STEAP3: variants seen among roughly 807,000 people sequenced by gnomAD.
STEAP3 encodes STEAP3 metalloreductase, also known as metalloreductase STEAP3.
A neutral mutation model predicts 34.9 loss-of-function variants in STEAP3; 35 were observed. That is an observed-to-expected ratio of 1.00 (90% CI 0.76 to 1.33). The LOEUF (loss-of-function observed/expected upper bound fraction) is 1.33, where lower values mean the gene tolerates loss of function less well. STEAP3 is among the 40% of genes most tolerant of loss of function. STEAP3 has a pLI of 0.00. For synonymous variants in STEAP3, 281 were observed against 301.6 expected (o/e 0.93, Z 0.71); for missense variants, 652 against 667.6 (o/e 0.98, Z 0.26).
chr2:119,258,210 C>T (rs939959539), intron 5 of STEAP3, among the ~76,000 whole-genome samples: 3 of 152,026 alleles, frequency 2.0e-5, no homozygotes, highest in Admixed American at 6.6e-5. Context: ...TTTTAACATG[C>T]GAATGCATTA....
In STEAP3 at chr2:119,252,509, C is replaced by T. The variant is rs577798222; in HGVS notation, c.1051-2175C>T. Among the ~76,000 whole-genome samples, 3 of 152,342 alleles carry T rather than the reference C, an allele frequency of 2.0e-5. No homozygotes were observed. The South Asian group carries it at 6.2e-4, about 32-fold the overall frequency. On this transcript the variant is annotated intron_variant, in intron 4 of 5. Coordinates refer to ENST00000393110, the MANE Select transcript of STEAP3 (RefSeq NM_182915.3). The stretch of plus-strand genomic sequence containing the variant: ...CACTGGTCCTTCAGCGTCTGACCTG[C>T]AACCTAGAGGGAAATCCCACACCTG...
intron 4 of STEAP3, among the ~76,000 whole-genome samples, chr2:119,251,436 G>A (rs1352936761): frequency 6.6e-6 from 1 of 152,136 alleles, no homozygotes; most frequent in African/African-American, 2.4e-5. Flanking sequence ...TTTGTACAGG[G>A]CATTTGGATT....
chr2:119,261,171 G>C (rs1445847733), intron 5 of STEAP3, among the ~76,000 whole-genome samples: 1 of 151,952 alleles, frequency 6.6e-6, no homozygotes, highest in East Asian at 1.9e-4. Flanking sequence ...ACACACACCA[G>C]GGAGGAGCAA....
At chr2:119,240,996 G>A (rs1357065218) in intron 2 of STEAP3, among the ~76,000 whole-genome samples, 5 of 152,010 alleles carry the variant, frequency 3.3e-5, no homozygotes, top group Admixed American at 6.6e-5. Context: ...AGAATTGAAC[G>A]TGGCCACTGT....
intron 2 of STEAP3, among the ~76,000 whole-genome samples, chr2:119,231,985 C>T (rs993342119): frequency 1.3e-5 from 2 of 152,140 alleles, no homozygotes; most frequent in African/African-American, 4.8e-5. Context: ...GGTGGGGCTT[C>T]CTGGACCCCA....
chr2:119,255,647 CAG>C (rs749306734), intron 5 of STEAP3, among the ~76,000 whole-genome samples: 14 of 151,740 alleles, frequency 9.2e-5, no homozygotes, highest in Non-Finnish European at 1.9e-4. Flanking sequence ...CAGCTACTAA[CAG>C]AGGCTGAGGT....
chr2:119,260,793 C>T (rs148006284), intron 5 of STEAP3, among the ~76,000 whole-genome samples: 2 of 152,188 alleles, frequency 1.3e-5, no homozygotes, highest in Admixed American at 6.5e-5. Context: ...GAGGTGACCA[C>T]ATTAAAATGA....
Position 119,234,495 on chromosome 2 carries a change from C to T in STEAP3, c.22+3461C>T, listed in dbSNP as rs376786161. On this transcript the variant is annotated intron_variant, in intron 2 of 5. Coordinates refer to ENST00000393110, the MANE Select transcript of STEAP3 (RefSeq NM_182915.3). ...AAAGCCCTCCTCCCTGGCTCCATAGCGCCCGGTCATCCCCTCATTCCAGCA... is the reference window on the plus strand; with the variant it reads ...AAAGCCCTCCTCCCTGGCTCCATAGTGCCCGGTCATCCCCTCATTCCAGCA... Among the ~76,000 whole-genome samples, 26 of 152,338 alleles carry T rather than the reference C, an allele frequency of 1.7e-4. No individual in the cohort carries two copies. The East Asian group carries it at 3.5e-3, about 20-fold the overall frequency.
Position 119,265,374 on chromosome 2 carries a change from G to T in STEAP3, c.*2036G>T, listed in dbSNP as rs1236803703. The T allele has an allele frequency of 6.6e-6, 1 of 152,210 alleles. No individual in the cohort carries two copies. 9.4% of individuals were successfully genotyped at this position (152,210 alleles called of 1,614,324 possible). On this transcript the variant is annotated 3_prime_UTR_variant, in exon 6 of 6. Transcript: ENST00000393110. ...CTGGACAATCACACGAAAGGCAGGC[G>T]GGCTGTGTACTGGGCCCTGACTGTG...
intron 4 of STEAP3, among the ~76,000 whole-genome samples, chr2:119,251,392 T>A (rs1677622174): frequency 6.6e-6 from 1 of 152,210 alleles, no homozygotes; most frequent in Non-Finnish European, 1.5e-5. Context: ...GAGACCATGT[T>A]TACAGACAGT....
intron 2 of STEAP3, among the ~76,000 whole-genome samples, chr2:119,233,023 G>A (rs376992639): frequency 6.6e-6 from 1 of 152,346 alleles, no homozygotes; most frequent in East Asian, 1.9e-4. Flanking sequence ...AGCTTTGGGT[G>A]GGAAGTGGCC....
intron 2 of STEAP3, among the ~76,000 whole-genome samples, chr2:119,238,256 A>G (rs75982796): frequency 0.011 from 1,627 of 152,358 alleles, 12 homozygotes; most frequent in Non-Finnish European, 0.019. Context: ...ACCATTTTAC[A>G]ATCCCAGCAG....
At chr2:119,257,315 A>G in intron 5 of STEAP3, 1 of 1,097,778 alleles carries the variant, frequency 9.1e-7, no homozygotes, top group Non-Finnish European at 1.2e-6. Context: ...AGTCCCTGTC[A>G]AATAGGCTGA....
intron 2 of STEAP3, 28 bp from the exon 3 acceptor site, chr2:119,245,461 C>T: frequency 1.3e-6 from 2 of 1,554,136 alleles, no homozygotes; most frequent in Non-Finnish European, 8.7e-7. Flanking sequence ...GAGCCCTCCA[C>T]TGACCAGGTT....
chr2:119,245,530 C>A lies in STEAP3; in HGVS notation c.64C>A (p.Leu22Ile). ...PEEMDKPLIS[L>I]HLVDSDSSLA... ...AGAGATGGACAAGCCACTGATCAGCCTCCACCTGGTGGACAGCGATAGTAG... is the reference window on the plus strand; with the variant it reads ...AGAGATGGACAAGCCACTGATCAGCATCCACCTGGTGGACAGCGATAGTAG... Residue 22 changes from leucine to isoleucine, a missense_variant, in exon 3 of 6, where the codon CTC (leucine) becomes ATC (isoleucine). Physicochemically the swap from Leu to Ile is conservative, Grantham distance 5 (BLOSUM62 2). Coordinates refer to ENST00000393110, the MANE Select transcript of STEAP3 (RefSeq NM_182915.3). 1 of 1,598,640 alleles carries A rather than the reference C, an allele frequency of 6.3e-7. No homozygotes were observed. Among genetic ancestry groups the A allele is most frequent in the Non-Finnish European group, 8.6e-7 (1 of 1,167,616 alleles).
At chr2:119,231,811 A>C (rs183759559) in intron 2 of STEAP3, among the ~76,000 whole-genome samples, 17 of 152,346 alleles carry the variant, frequency 1.1e-4, no homozygotes, top group Admixed American at 1.0e-3. Flanking sequence ...AGTCCATCAG[A>C]AAGGGAAAAT....
intron 5 of STEAP3, among the ~76,000 whole-genome samples, chr2:119,262,393 G>A (rs1295010984): frequency 6.6e-6 from 1 of 151,920 alleles, no homozygotes; most frequent in Non-Finnish European, 1.5e-5. Flanking sequence ...TAGAGACAGG[G>A]TCTTGCTCTG....
In STEAP3 at chr2:119,248,034, G is replaced by A. The variant is rs755567018; in HGVS notation, c.878G>A (p.Arg293Gln). The A allele has an allele frequency of 3.9e-5, 62 of 1,609,302 alleles. No homozygotes were observed. The highest frequency in any genetic ancestry group is 2.2e-4 in the Admixed American group (13 of 59,974). ...GTGCTGGCGGCTGCCCTGCAGCTGC[G>A]GCGCGGCACCAAGTACCAGCGCTTC... is the stretch of plus-strand genomic sequence containing the variant. ...PGVLAAALQL[R>Q]RGTKYQRFPD... The change falls in exon 4 of 6, where the codon CGG becomes CAG. Residue 293 changes from arginine (R) to glutamine (Q), a missense_variant. Transcript: ENST00000393110.
At chr2:119,233,027 A>G (rs962860855) in intron 2 of STEAP3, among the ~76,000 whole-genome samples, 1 of 152,244 alleles carries the variant, frequency 6.6e-6, no homozygotes, top group African/African-American at 2.4e-5. Flanking sequence ...TTGGGTGGGA[A>G]GTGGCCAGAG....
Sources: gnomAD v4.1 joint callset for allele counts (sites outside exome capture counted in the v4.1 genomes callset) on GRCh38, gnomAD v4.1.1 for gene constraint, MANE v1.5 for transcripts, NCBI Gene and HGNC (gene_info 2026-07-23, HGNC 2026-07-21) for gene names.